NRXN1: variants seen among roughly 807,000 people sequenced by gnomAD.
NRXN1 encodes the protein neurexin 1.
A neutral mutation model predicts 150.9 loss-of-function variants in NRXN1; 39 were observed. The observed-to-expected ratio is 0.26, with a 90% CI of 0.20 to 0.34. The LOEUF (loss-of-function observed/expected upper bound fraction) is 0.34, where lower values mean the gene tolerates loss of function less well. Ranked by LOEUF, NRXN1 falls within the 10% of genes least tolerant of loss-of-function variation. NRXN1 has a pLI of 1.00. For missense variants in NRXN1, 1,815 were observed against 1,949.9 expected (o/e 0.93, Z 1.30); for synonymous variants, 924 against 757.0 (o/e 1.22, Z -3.62).
intron 17 of NRXN1, among the ~76,000 whole-genome samples, chr2:50,380,638 C>T (rs1456836330): frequency 1.3e-5 from 2 of 151,990 alleles, no homozygotes; most frequent in East Asian, 3.9e-4. Context: ...AATAATGTGC[C>T]TTGTGCAAAG....
At chr2:50,411,992 T>C (rs1414309752) in intron 17 of NRXN1, among the ~76,000 whole-genome samples, 1 of 152,222 alleles carries the variant, frequency 6.6e-6, no homozygotes, top group African/African-American at 2.4e-5. Context: ...TGCCTTGGGA[T>C]GCTGTTGATC....
intron 5 of NRXN1, among the ~76,000 whole-genome samples, chr2:50,674,346 C>G (rs927450504): frequency 6.6e-6 from 1 of 152,062 alleles, no homozygotes; most frequent in East Asian, 1.9e-4. Context: ...AAGCATGGAA[C>G]AGAAGTGGAG....
intron 5 of NRXN1, among the ~76,000 whole-genome samples, chr2:50,630,165 T>C (rs983334960): frequency 5.9e-5 from 9 of 151,664 alleles, no homozygotes; most frequent in Admixed American, 5.3e-4. Flanking sequence ...TCTAATTTTC[T>C]GAGAGTAAGC....
At chr2:50,829,698 G>T in intron 5 of NRXN1, 1 of 1,604,016 alleles carries the variant, frequency 6.2e-7, no homozygotes, top group South Asian at 1.1e-5. Context: ...GCGCCAGGCC[G>T]CCCGCACACC....
chr2:50,232,532 A>G (rs1010333543), intron 18 of NRXN1, among the ~76,000 whole-genome samples: 1 of 151,428 alleles, frequency 6.6e-6, no homozygotes, highest in East Asian at 2.0e-4. Flanking sequence ...GACTACAGGC[A>G]TGTGTCACCA....
chr2:50,006,067 T>A (rs937820900), intron 21 of NRXN1, among the ~76,000 whole-genome samples: 1 of 152,126 alleles, frequency 6.6e-6, no homozygotes, highest in Non-Finnish European at 1.5e-5. Context: ...TTATATAACA[T>A]AAATCAATCC....
chr2:51,006,436 C>T (rs923016206), intron 2 of NRXN1, among the ~76,000 whole-genome samples: 7 of 151,746 alleles, frequency 4.6e-5, no homozygotes, highest in African/African-American at 1.7e-4. Context: ...AGGATATATA[C>T]CTAATGCTAA....
At chr2:50,473,312 T>C (rs1336838541) in intron 15 of NRXN1, among the ~76,000 whole-genome samples, 2 of 151,902 alleles carry the variant, frequency 1.3e-5, no homozygotes, top group African/African-American at 2.4e-5. Flanking sequence ...TTTGTTTAAC[T>C]TTTTCTCTCT....
intron 17 of NRXN1, among the ~76,000 whole-genome samples, chr2:50,357,095 A>C (rs1160166999): frequency 2.0e-5 from 3 of 151,996 alleles, no homozygotes; most frequent in African/African-American, 7.3e-5. Flanking sequence ...TGAGCAACAT[A>C]AGGAGACCCC....
chr2:50,449,083 G>C (rs972006992), intron 17 of NRXN1, among the ~76,000 whole-genome samples: 19 of 152,064 alleles, frequency 1.2e-4, no homozygotes, highest in African/African-American at 4.1e-4. Flanking sequence ...AAATTGACTG[G>C]TGAATTCAGA....
intron 12 of NRXN1, among the ~76,000 whole-genome samples, chr2:50,507,725 CATT>C (rs2092298844): frequency 6.8e-6 from 1 of 147,830 alleles, no homozygotes; most frequent in Non-Finnish European, 1.5e-5. Context: ...ACTAATCTGA[CATT>C]ATGAGTCATT....
At chr2:50,146,044 G>A (rs1707964712) in intron 18 of NRXN1, among the ~76,000 whole-genome samples, 1 of 151,650 alleles carries the variant, frequency 6.6e-6, no homozygotes, top group African/African-American at 2.4e-5. Context: ...GTGTCATGGA[G>A]ACACTATCGG....
At chr2:50,692,694 T>G (rs992829276) in intron 5 of NRXN1, among the ~76,000 whole-genome samples, 1 of 152,166 alleles carries the variant, frequency 6.6e-6, no homozygotes, top group Non-Finnish European at 1.5e-5. Context: ...GGGAGGGCTT[T>G]TTTTTCATTT....
intron 8 of NRXN1, among the ~76,000 whole-genome samples, chr2:50,560,680 C>T (rs1668942075): frequency 6.6e-6 from 1 of 152,118 alleles, no homozygotes; most frequent in Non-Finnish European, 1.5e-5. Context: ...GATCCGCCTG[C>T]TTTGGCCTCC....
intron 5 of NRXN1, among the ~76,000 whole-genome samples, chr2:50,798,950 T>C (rs1707215911): frequency 1.3e-5 from 2 of 152,228 alleles, no homozygotes; most frequent in Non-Finnish European, 2.9e-5. Context: ...ATTTCTCTGT[T>C]GTTATAATGT....
chr2:50,254,829 T>G (rs762558901), intron 17 of NRXN1, among the ~76,000 whole-genome samples: 2 of 152,110 alleles, frequency 1.3e-5, no homozygotes, highest in South Asian at 4.1e-4. Context: ...GACACTGTCA[T>G]GCTCTGCTGC....
chr2:50,344,085 C>T (rs1286223843), intron 17 of NRXN1, among the ~76,000 whole-genome samples: 1 of 152,132 alleles, frequency 6.6e-6, no homozygotes, highest in Non-Finnish European at 1.5e-5. Flanking sequence ...TTTGTCCCAA[C>T]AACTAGCGAA....
At chr2:50,187,833 T>C (rs2061186664) in intron 18 of NRXN1, among the ~76,000 whole-genome samples, 2 of 152,140 alleles carry the variant, frequency 1.3e-5, no homozygotes, top group African/African-American at 4.8e-5. Context: ...TATTTTATTC[T>C]CTTTGTGGCA....
At chr2:50,497,046 G>T (rs958901825) in intron 14 of NRXN1, among the ~76,000 whole-genome samples, 2 of 152,108 alleles carry the variant, frequency 1.3e-5, no homozygotes, top group African/African-American at 4.8e-5. Flanking sequence ...GCATAGTCAG[G>T]AAATGCCCAT....
Sources: gnomAD v4.1 joint callset for allele counts (sites outside exome capture counted in the v4.1 genomes callset) on GRCh38, gnomAD v4.1.1 for gene constraint, MANE v1.5 for transcripts, NCBI Gene and HGNC (gene_info 2026-07-23, HGNC 2026-07-21) for gene names.